The following ENTPD2 variants were observed in gnomAD, a reference collection of about 807,000 sequenced individuals.
ENTPD2 encodes the protein CD39 antigen-like 1.
ENTPD2 carries 48 observed loss-of-function variants against 46.8 expected under a neutral mutation model. That is an observed-to-expected ratio of 1.03 (90% CI 0.81 to 1.30). ENTPD2 has a LOEUF of 1.30. Among genes scored for constraint, ENTPD2 ranks in the 50% most tolerant of loss-of-function variants. The probability of loss-of-function intolerance (pLI) is 0.00; values close to 1 mark genes in which losing one functional copy is unlikely to be tolerated. For missense variants in ENTPD2, 707 were observed against 651.1 expected (o/e 1.09, Z -0.93); for synonymous variants, 316 against 286.1 (o/e 1.10, Z -1.06).
At chr9:137,052,121 G>T in intron 2 of ENTPD2, 110 bp downstream of exon 2, 1 of 958,450 alleles carries the variant, frequency 1.0e-6, no homozygotes, top group Non-Finnish European at 1.6e-6. Context: ...TCTGCCTGGA[G>T]TGAGCCCCAC....
chr9:137,050,686 ACG>A, intron 5 of ENTPD2, 148 bp from the exon 6 acceptor site: 1 of 1,353,816 alleles, frequency 7.4e-7, no homozygotes, highest in Non-Finnish European at 9.8e-7. Context: ...ACAGATCCCA[ACG>A]CCCCTGACCA....
rs1832303151 is a variant in ENTPD2 at position 137,051,732 on chromosome 9, AGGGTGG to A, written c.236-78_236-73del. 6.4e-6 allele frequency: 8 copies of A among 1,245,002 alleles called. No individual in the cohort carries two copies. The Admixed American group carries it at 1.4e-4, about 22-fold the overall frequency. The allele number at this position is 1,245,002 out of a possible 1,614,324, so 77.1% of individuals were successfully genotyped here. ...AGGTGGGCCGTAGGCCAGGAGAGTGAGGGTGGGGGTGGGGGCCGTGGGCTCCCAGAC... is the reference window on the plus strand; with the variant it reads ...AGGTGGGCCGTAGGCCAGGAGAGTGAGGGTGGGGGCCGTGGGCTCCCAGAC... On this transcript the variant is annotated intron_variant, in intron 2 of 8. Coordinates refer to ENST00000355097, the MANE Select transcript of ENTPD2 (RefSeq NM_203468.3).
At chr9:137,050,867 C>G (rs1832274019) in intron 5 of ENTPD2, 35 bp downstream of exon 5, 1 of 1,597,662 alleles carries the variant, frequency 6.3e-7, no homozygotes, top group Non-Finnish European at 8.5e-7. Flanking sequence ...CAGGAGGGAA[C>G]AGTGCAGTGC....
intron 7 of ENTPD2, chr9:137,049,393 C>A (rs938652098): frequency 3.2e-5 from 19 of 602,956 alleles, no homozygotes; most frequent in African/African-American, 3.0e-4. Context: ...AGCTCCAGGC[C>A]TGAGTCTGCC....
chr9:137,051,415 T>A, intron 3 of ENTPD2, 45 bp from the exon 4 acceptor site: 2 of 1,538,924 alleles, frequency 1.3e-6, no homozygotes, highest in Non-Finnish European at 1.8e-6. Flanking sequence ...CCCAGGTGGC[T>A]GTGAGCCTGC....
chr9:137,049,519 C>T (rs1275588590), intron 7 of ENTPD2: 4 of 435,144 alleles, frequency 9.2e-6, no homozygotes, highest in Admixed American at 3.9e-5. Flanking sequence ...TCGTACGTTT[C>T]TCTTGGAGTC....
chr9:137,052,389 G>C, intron 1 of ENTPD2, 41 bp from the exon 2 acceptor site: 1 of 1,399,472 alleles, frequency 7.1e-7, no homozygotes, highest in Non-Finnish European at 1.0e-6. Flanking sequence ...GGTGTCCGGG[G>C]GCCCTGACAC....
intron 2 of ENTPD2, 102 bp from the exon 3 acceptor site, chr9:137,051,762 A>G: frequency 1.4e-6 from 2 of 1,431,796 alleles, no homozygotes; most frequent in South Asian, 2.9e-5. Flanking sequence ...GGGCTCCCAG[A>G]CCAGGTGGCA....
rs764450531 is a variant in ENTPD2, at chr9:137,050,884, G to A, written c.774+18C>T. On this transcript the variant is annotated intron_variant, in intron 5 of 8. Coordinates refer to ENST00000355097, the MANE Select transcript of ENTPD2 (RefSeq NM_203468.3). ...GGAGGGAACAGTGCAGTGCAGGTGA[G>A]CCAGGGTGGAGGGGCACCTGGAGGG... 2 of 1,606,756 alleles carry A rather than the reference G, an allele frequency of 1.2e-6. No homozygotes were observed. Among genetic ancestry groups the A allele is most frequent in the East Asian group, 2.2e-5 (1 of 44,844 alleles).
Position 137,051,067 on chromosome 9 carries a change from C to T in ENTPD2, c.609G>A (p.Gly203=), listed in dbSNP as rs571941272. The change falls in exon 5 of 9, where the codon GGG becomes GGA. Residue 203 remains glycine (G), a synonymous_variant. Coordinates refer to ENST00000355097, the MANE Select transcript of ENTPD2 (RefSeq NM_203468.3). ...RKGTLGAMDL[G]GASTQITFET... ...CAAAAGTGATCTGGGTAGAGGCACC[C>T]CCCAGGTCCATGGCCCCCAGTGTCC... 36 of 1,612,868 alleles carry T rather than the reference C, an allele frequency of 2.2e-5. No individual in the cohort carries two copies. In the East Asian group the frequency reaches 6.0e-4, roughly 27 times the overall value.
Position 137,051,065 on chromosome 9 carries a change from C to A in ENTPD2, c.611G>T (p.Gly204Val), listed in dbSNP as rs868337912. Residue 204 changes from glycine (G) to valine (V), a missense_variant, in exon 5 of 9, where the codon GGT becomes GTT. Coordinates refer to ENST00000355097, the MANE Select transcript of ENTPD2 (RefSeq NM_203468.3). ...CTCAAAAGTGATCTGGGTAGAGGCA[C>A]CCCCCAGGTCCATGGCCCCCAGTGT... ...KGTLGAMDLG[G>V]ASTQITFETT... The A allele has an allele frequency of 4.3e-6, 7 of 1,612,656 alleles. No homozygotes were observed. Among genetic ancestry groups the A allele is most frequent in the Non-Finnish European group, 5.9e-6 (7 of 1,179,986 alleles).
rs1176706644 is a variant in ENTPD2, at chr9:137,054,047, G to C, written c.-50C>G. The stretch of plus-strand genomic sequence containing the variant: ...GATGCGTGGACCCGGAGAGTGCGGG[G>C]AGCCGGAGGCGGAGGCGGGCGGGGC... On this transcript the variant is annotated 5_prime_UTR_variant, in exon 1 of 9. Coordinates refer to ENST00000355097, the MANE Select transcript of ENTPD2 (RefSeq NM_203468.3). The C allele has an allele frequency of 8.6e-7, 1 of 1,158,696 alleles. No individual in the cohort carries two copies. The highest frequency in any genetic ancestry group is 4.3e-5 in the South Asian group (1 of 23,282). 71.8% of individuals were successfully genotyped at this position (1,158,696 alleles called of 1,614,324 possible).
chr9:137,050,168 C>T lies in ENTPD2; in HGVS notation c.1029+116G>A, dbSNP rs113918890. The T allele has an allele frequency of 8.9e-5, 53 of 597,692 alleles. 1 individual carries two copies. Among genetic ancestry groups the T allele is most frequent in the African/African-American group, 8.2e-4 (34 of 41,654 alleles). 37.0% of individuals were successfully genotyped at this position (597,692 alleles called of 1,614,324 possible). On this transcript the variant is annotated intron_variant, in intron 6 of 8. Transcript: ENST00000355097. Reference sequence around the variant, plus strand: ...AAAGTTCCCAGCCACCCGCCTGTCCCTACCCACGACAAAGTTCCCAGCCAC... The same window carrying T: ...AAAGTTCCCAGCCACCCGCCTGTCCTTACCCACGACAAAGTTCCCAGCCAC...
At chr9:137,051,801 GC>G in intron 2 of ENTPD2, 141 bp from the exon 3 acceptor site, 2 of 1,319,840 alleles carry the variant, frequency 1.5e-6, no homozygotes, top group Non-Finnish European at 2.0e-6. Context: ...CCCCAGAAAC[GC>G]CCAGGTTGGA....
At chr9:137,049,668 TG>T in intron 7 of ENTPD2, 1 of 581,726 alleles carries the variant, frequency 1.7e-6, no homozygotes, top group Non-Finnish European at 2.9e-6. Flanking sequence ...GGGTCGGGCC[TG>T]GCGAAGCTTC....
chr9:137,050,893 G>C lies in ENTPD2; in HGVS notation c.774+9C>G, dbSNP rs1401349539. On this transcript the variant is annotated intron_variant, in intron 5 of 8. Coordinates refer to ENST00000355097, the MANE Select transcript of ENTPD2 (RefSeq NM_203468.3). ...AGTGCAGTGCAGGTGAGCCAGGGTG[G>C]AGGGGCACCTGGAGGGCGCTGGCCA... The C allele has an allele frequency of 1.2e-6, 2 of 1,608,978 alleles. No individual in the cohort carries two copies. Among genetic ancestry groups the C allele is most frequent in the African/African-American group, 2.7e-5 (2 of 74,932 alleles).
Position 137,048,488 on chromosome 9 carries a change from G to T in ENTPD2, c.*169C>A. On this transcript the variant is annotated 3_prime_UTR_variant, in exon 9 of 9. Coordinates refer to ENST00000355097, the MANE Select transcript of ENTPD2 (RefSeq NM_203468.3). ...TGGGGTGGAGCGGTGGGGGATAGAG[G>T]GTGGGTGGAGGAATGCAGGATACAG... 1.8e-6 allele frequency: 1 copy of T among 564,050 alleles called. No individual in the cohort carries two copies. Among genetic ancestry groups the T allele is most frequent in the Non-Finnish European group, 3.1e-6 (1 of 323,614 alleles). The allele number at this position is 564,050 out of a possible 1,614,324, so 34.9% of individuals were successfully genotyped here. A position where few individuals can be genotyped will look rare whatever the true frequency, so the allele number is the denominator to read the frequency against.
At chr9:137,049,263 G>A (rs776632994) in intron 7 of ENTPD2, 188 bp from the exon 8 acceptor site, 72 of 985,782 alleles carry the variant, frequency 7.3e-5, no homozygotes, top group Admixed American at 1.8e-4. Context: ...GGCAGGGCAC[G>A]CTTCCATCCC....
chr9:137,049,120 G>A (rs1291300901), intron 7 of ENTPD2, 45 bp from the exon 8 acceptor site: 1 of 1,532,472 alleles, frequency 6.5e-7, no homozygotes, highest in South Asian at 1.2e-5. Context: ...CCACCAGGAG[G>A]TCTCGGCCCC....
Sources: gnomAD v4.1 joint callset for allele counts on GRCh38, gnomAD v4.1.1 for gene constraint, MANE v1.5 for transcripts, NCBI Gene and HGNC (gene_info 2026-07-23, HGNC 2026-07-21) for gene names.